Variants in PPP3CA observed in about 807,000 individuals in gnomAD.
PPP3CA encodes protein phosphatase 3 catalytic subunit alpha.
A neutral mutation model predicts 66.5 loss-of-function variants in PPP3CA; 14 were observed. The observed-to-expected ratio is 0.21, with a 90% CI of 0.14 to 0.33. The LOEUF (loss-of-function observed/expected upper bound fraction) is 0.33. Among genes scored for constraint, PPP3CA ranks in the 10% least tolerant of loss-of-function variants. The pLI is 1.00. For synonymous variants in PPP3CA, 232 were observed against 226.2 expected, an observed-to-expected ratio of 1.03 and a Z score of -0.23; for missense variants, 317 against 639.5, an observed-to-expected ratio of 0.50 and a Z score of 5.44.
intron 1 of PPP3CA, among the ~76,000 whole-genome samples, chr4:101,310,016 A>C (rs1472206008): frequency 6.6e-6 from 1 of 152,192 alleles, no homozygotes; most frequent in Admixed American, 6.5e-5. Context: ...GAGAAAACCC[A>C]ATCAATTATC....
chr4:101,067,553 A>C (rs1405317204), intron 8 of PPP3CA, among the ~76,000 whole-genome samples: 1 of 151,322 alleles, frequency 6.6e-6, no homozygotes, highest in South Asian at 2.1e-4. Context: ...AAAAAAAAAC[A>C]ACTAGTATTT....
At chr4:101,296,452 G>A (rs1043243412) in intron 1 of PPP3CA, among the ~76,000 whole-genome samples, 1 of 152,044 alleles carries the variant, frequency 6.6e-6, no homozygotes, top group African/African-American at 2.4e-5. Context: ...GCATGAGAAA[G>A]CTAAAGAAAA....
chr4:101,272,692 T>G (rs1284007062), intron 1 of PPP3CA, among the ~76,000 whole-genome samples: 1 of 152,216 alleles, frequency 6.6e-6, no homozygotes, highest in African/African-American at 2.4e-5. Context: ...TGAGATTAAA[T>G]GCATTAATAT....
At chr4:101,124,799 G>GAAAGAA (rs1399400422) in intron 2 of PPP3CA, among the ~76,000 whole-genome samples, 1,566 of 99,668 alleles carry the variant, frequency 0.016, 123 homozygotes, top group East Asian at 0.036. Context: ...AAGAAAGAAA[G>GAAAGAA]AGAAAACTGT....
At chr4:101,249,022 C>T (rs972212402) in intron 1 of PPP3CA, among the ~76,000 whole-genome samples, 1 of 151,430 alleles carries the variant, frequency 6.6e-6, no homozygotes, top group East Asian at 2.0e-4. Flanking sequence ...TAGCCGGGCG[C>T]GGTGGCGGGC....
chr4:101,212,019 C>T (rs1394397844), intron 1 of PPP3CA, among the ~76,000 whole-genome samples: 1 of 152,138 alleles, frequency 6.6e-6, no homozygotes, highest in African/African-American at 2.4e-5. Context: ...TAACTGAGAC[C>T]ACACTTGCAA....
chr4:101,214,407 T>TTTATCA (rs1391852766), intron 1 of PPP3CA, among the ~76,000 whole-genome samples: 1 of 152,050 alleles, frequency 6.6e-6, no homozygotes, highest in Non-Finnish European at 1.5e-5. Flanking sequence ...TCAATAAACA[T>TTTATCA]TTATCATTAT....
intron 7 of PPP3CA, among the ~76,000 whole-genome samples, chr4:101,082,696 T>C (rs763701057): frequency 2.6e-5 from 4 of 152,232 alleles, no homozygotes; most frequent in Non-Finnish European, 4.4e-5. Flanking sequence ...TTTTTAAAGA[T>C]GTCCCTATTC....
At chr4:101,096,435 A>G (rs1730198948) in intron 5 of PPP3CA, among the ~76,000 whole-genome samples, 1 of 152,184 alleles carries the variant, frequency 6.6e-6, no homozygotes, top group South Asian at 2.1e-4. Context: ...GAGGTTTACA[A>G]CCTTTTTGCT....
At chr4:101,220,067 T>G (rs1049076156) in intron 1 of PPP3CA, among the ~76,000 whole-genome samples, 14 of 151,960 alleles carry the variant, frequency 9.2e-5, no homozygotes, top group African/African-American at 3.1e-4. Flanking sequence ...TTGCTTCAAT[T>G]AAGTGTAAAA....
At chr4:101,116,593 A>T (rs1310656349) in intron 2 of PPP3CA, among the ~76,000 whole-genome samples, 2 of 151,868 alleles carry the variant, frequency 1.3e-5, no homozygotes, top group Non-Finnish European at 2.9e-5. Flanking sequence ...AGTACAAACC[A>T]GCTAGCCAGC....
Position 101,098,508 on chromosome 4 carries a change from T to A in PPP3CA, c.501A>T (p.Lys167Asn). Residue 167 changes from lysine (K) to asparagine (N), a missense_variant, in exon 5 of 14, where the codon AAA becomes AAT. By Grantham distance (94) the Lys-to-Asn change is moderately conservative. This residue lies in a region of PPP3CA where 201 missense variants were observed against 501.4 expected (regional missense o/e 0.40). Coordinates refer to ENST00000394854, the MANE Select transcript of PPP3CA (RefSeq NM_000944.5). ...CATATACGCGTTCTGAATACTTTAT[T>A]TTACCTTTTAGAAGTGATTAAAAGA... ...TEYFTFKQEC[K>N]IKYSERVYDA... 1 of 1,602,954 alleles carries A rather than the reference T, an allele frequency of 6.2e-7. No individual in the cohort carries two copies.
At chr4:101,250,493 G>C (rs1362046355) in intron 1 of PPP3CA, 1 of 272,636 alleles carries the variant, frequency 3.7e-6, no homozygotes, top group East Asian at 1.3e-4. Flanking sequence ...CCTTATCAAA[G>C]AAACAGCTAC....
At chr4:101,200,950 T>C (rs1403528171) in intron 1 of PPP3CA, among the ~76,000 whole-genome samples, 1 of 152,194 alleles carries the variant, frequency 6.6e-6, no homozygotes, top group African/African-American at 2.4e-5. Context: ...GGCTTTTGAC[T>C]ACTCAAAAAA....
chr4:101,070,626 AT>A (rs1352460740), intron 8 of PPP3CA, among the ~76,000 whole-genome samples: 1 of 152,240 alleles, frequency 6.6e-6, no homozygotes, highest in Non-Finnish European at 1.5e-5. Flanking sequence ...AGGGAAAAAA[AT>A]AATACATATG....
intron 1 of PPP3CA, among the ~76,000 whole-genome samples, chr4:101,268,559 T>A (rs1310086130): frequency 6.6e-6 from 1 of 152,118 alleles, no homozygotes; most frequent in Non-Finnish European, 1.5e-5. Flanking sequence ...CAGTCAACAA[T>A]ACATAGAGTA....
At chr4:101,164,848 C>T (rs1262344732) in intron 2 of PPP3CA, among the ~76,000 whole-genome samples, 2 of 151,972 alleles carry the variant, frequency 1.3e-5, no homozygotes, top group African/African-American at 2.4e-5. Context: ...GTTCATATAC[C>T]TAATCCACCA....
At chr4:101,317,288 TCACACACA>T (rs1728912827) in intron 1 of PPP3CA, among the ~76,000 whole-genome samples, 1 of 121,070 alleles carries the variant, frequency 8.3e-6, no homozygotes, top group Non-Finnish European at 1.6e-5. Context: ...ACACACACAC[TCACACACA>T]CTGCCCTAAA....
intron 1 of PPP3CA, among the ~76,000 whole-genome samples, chr4:101,228,864 G>A (rs1010193191): frequency 6.6e-6 from 1 of 151,608 alleles, no homozygotes; most frequent in African/African-American, 2.4e-5. Context: ...ACTCTACAAA[G>A]ATAACCTCCA....
Sources: allele counts gnomAD v4.1 joint callset (sites outside exome capture counted in the v4.1 genomes callset), GRCh38; gene constraint gnomAD v4.1.1; regional missense constraint gnomAD v4.1.1; transcripts MANE v1.5; gene names NCBI Gene and HGNC (gene_info 2026-07-23, HGNC 2026-07-21).